SNTG1: variants seen among roughly 807,000 people sequenced by gnomAD.
SNTG1 encodes the protein syntrophin gamma 1, also known as gamma-1-syntrophin.
A neutral mutation model predicts 74.7 loss-of-function variants in SNTG1; 39 were observed. That is an observed-to-expected ratio of 0.52 (90% confidence interval 0.40 to 0.68). The LOEUF (loss-of-function observed/expected upper bound fraction) is 0.68. Among genes scored for constraint, SNTG1 ranks in the 30% least tolerant of loss-of-function variants. The pLI is 0.00. For synonymous variants in SNTG1, 254 were observed against 217.1 expected, an observed-to-expected ratio of 1.17 and a Z score of -1.49; for missense variants, 685 against 609.5, an observed-to-expected ratio of 1.12 and a Z score of -1.30.
intron 1 of SNTG1, among the ~76,000 whole-genome samples, chr8:49,961,979 G>A (rs1267301242): frequency 6.6e-6 from 1 of 152,204 alleles, no homozygotes; most frequent in African/African-American, 2.4e-5. Context: ...TTTGAGAATG[G>A]CAAGAAAAGC....
At chr8:50,705,439 G>A (rs965142411) in intron 16 of SNTG1, among the ~76,000 whole-genome samples, 1 of 152,052 alleles carries the variant, frequency 6.6e-6, no homozygotes, top group Non-Finnish European at 1.5e-5. Context: ...AATCATAAAA[G>A]TAATACATCT....
At chr8:50,350,586 G>A (rs2091626220) in intron 2 of SNTG1, among the ~76,000 whole-genome samples, 2 of 140,532 alleles carry the variant, frequency 1.4e-5, no homozygotes, top group Admixed American at 7.4e-5. Context: ...CTAGCTAAGG[G>A]ATTGTAAATA....
chr8:50,350,293 T>C (rs2130995253), intron 2 of SNTG1, among the ~76,000 whole-genome samples: 1 of 152,250 alleles, frequency 6.6e-6, no homozygotes, highest in South Asian at 2.1e-4. Context: ...ACCCAAGGGC[T>C]GAGGAGTGTG....
At chr8:50,605,253 A>G (rs1385572931) in intron 13 of SNTG1, among the ~76,000 whole-genome samples, 1 of 150,932 alleles carries the variant, frequency 6.6e-6, no homozygotes, top group African/African-American at 2.4e-5. Context: ...CTTGGCTGGT[A>G]TCTCCCTAGG....
intron 16 of SNTG1, among the ~76,000 whole-genome samples, chr8:50,707,241 A>G (rs1371371392): frequency 1.3e-5 from 2 of 152,096 alleles, no homozygotes; most frequent in East Asian, 3.9e-4. Context: ...TTTTCACCTG[A>G]CATTTTCTTG....
chr8:49,946,272 C>T lies in SNTG1; in HGVS notation c.-103+34041C>T, dbSNP rs187437972. ...ACTTTTGTCAAAATTATTTCATACT[C>T]TTAAGCATATAAAAGTCCGTTACTA... On this transcript the variant is annotated intron_variant, in intron 1 of 18. Transcript: ENST00000642720. 9.5e-4 allele frequency among the ~76,000 whole-genome samples: 144 copies of T among 152,264 alleles called. 2 individuals are homozygous for T. Among genetic ancestry groups the T allele is most frequent in the Non-Finnish European group, 1.6e-3 (110 of 68,014 alleles).
At chr8:50,233,896 C>T (rs1048701123) in intron 2 of SNTG1, among the ~76,000 whole-genome samples, 1 of 151,728 alleles carries the variant, frequency 6.6e-6, no homozygotes, top group Admixed American at 6.6e-5. Context: ...ACTGATAACT[C>T]CAAATGCTGG....
At chr8:50,319,265 G>T (rs2130801414) in intron 2 of SNTG1, among the ~76,000 whole-genome samples, 1 of 152,272 alleles carries the variant, frequency 6.6e-6, no homozygotes, top group South Asian at 2.1e-4. Context: ...TCAGGAGGCT[G>T]AGGCAGGAGA....
rs147585143 is a variant in SNTG1 at position 50,282,330 on chromosome 8, C to T, written c.-28+109695C>T. ...AAGAGAGAGTGCTCATGACAAAAAT[C>T]GGCCAGAAGCCCCTCTCACGTTTAT... On this transcript the variant is annotated intron_variant, in intron 2 of 18. Coordinates refer to ENST00000642720, the MANE Select transcript of SNTG1 (RefSeq NM_018967.5). Among the ~76,000 whole-genome samples the T allele has an allele frequency of 3.4e-3, 505 of 148,852 alleles. 3 individuals are homozygous for T. Among genetic ancestry groups the T allele is most frequent in the African/African-American group, 0.012 (478 of 41,342 alleles).
At chr8:50,155,896 T>C (rs909561619) in intron 1 of SNTG1, among the ~76,000 whole-genome samples, 3 of 151,658 alleles carry the variant, frequency 2.0e-5, no homozygotes, top group Non-Finnish European at 4.4e-5. Flanking sequence ...TAGTTAGAAT[T>C]GTAAAAGAAA....
chr8:50,679,065 G>A (rs1040057304), intron 15 of SNTG1, among the ~76,000 whole-genome samples: 19 of 152,046 alleles, frequency 1.2e-4, no homozygotes, highest in African/African-American at 1.9e-4. Flanking sequence ...CAATTTTGCT[G>A]TAGTATTATT....
chr8:50,327,749 T>C (rs1372365746), intron 2 of SNTG1, among the ~76,000 whole-genome samples: 1 of 152,134 alleles, frequency 6.6e-6, no homozygotes. Context: ...TCTTCCATTC[T>C]GTTTCTGCAT....
chr8:50,127,805 T>A (rs76388272), intron 1 of SNTG1, among the ~76,000 whole-genome samples: 13,699 of 152,192 alleles, frequency 0.09, 740 homozygotes, highest in African/African-American at 0.15. Context: ...ATAAATGTTA[T>A]CTTCATTTAT....
intron 1 of SNTG1, among the ~76,000 whole-genome samples, chr8:50,019,833 G>A (rs1816659186): frequency 6.6e-6 from 1 of 152,046 alleles, no homozygotes. Flanking sequence ...AGGTCCTGCT[G>A]GGTGTGAAAC....
chr8:50,026,325 T>C (rs1191096956), intron 1 of SNTG1, among the ~76,000 whole-genome samples: 1 of 152,188 alleles, frequency 6.6e-6, no homozygotes. Flanking sequence ...AAATCTTTGC[T>C]TTTTGAATTC....
At chr8:50,225,117 CCCA>C (rs764034222) in intron 2 of SNTG1, among the ~76,000 whole-genome samples, 4 of 152,120 alleles carry the variant, frequency 2.6e-5, no homozygotes, top group African/African-American at 7.2e-5. Context: ...ACTACAGGCG[CCCA>C]CCACCACGTC....
intron 2 of SNTG1, among the ~76,000 whole-genome samples, chr8:50,387,105 C>T (rs1035704553): frequency 2.6e-5 from 4 of 152,146 alleles, no homozygotes; most frequent in African/African-American, 9.7e-5. Flanking sequence ...CACCATAGGC[C>T]TCTCCGAGTT....
At chr8:50,615,687 A>G (rs1178850143) in intron 13 of SNTG1, among the ~76,000 whole-genome samples, 1 of 152,220 alleles carries the variant, frequency 6.6e-6, no homozygotes, top group Non-Finnish European at 1.5e-5. Flanking sequence ...TTAACTAGAG[A>G]GAACTTAATG....
chr8:50,094,701 CAAGGGAACACTTATA>C lies in SNTG1; in HGVS notation c.-102-77858_-102-77844del, dbSNP rs1229429147. Among the ~76,000 whole-genome samples the C allele has an allele frequency of 5.9e-5, 9 of 152,184 alleles. No individual in the cohort carries two copies. In the East Asian group the frequency reaches 1.7e-3, roughly 29 times the overall value. ...AAATAACAGATACATGTTGCAGAGA[CAAGGGAACACTTATA>C]ATGTTGGTAGGAGTAGTGGAAAGCA... On this transcript the variant is annotated intron_variant, in intron 1 of 18. Transcript: ENST00000642720.
Sources: allele counts gnomAD v4.1 joint callset (sites outside exome capture counted in the v4.1 genomes callset), GRCh38; gene constraint gnomAD v4.1.1; transcripts MANE v1.5; gene names NCBI Gene and HGNC (gene_info 2026-07-23, HGNC 2026-07-21).